The following RBM44 variants were observed in gnomAD, a reference collection of about 807,000 sequenced individuals.
RBM44 encodes the protein RNA binding motif protein 44, also known as RNA-binding protein 44.
RBM44 carries 66 observed loss-of-function variants against 105.1 expected under a neutral mutation model. The observed-to-expected ratio is 0.63, with a 90% CI of 0.52 to 0.77. The LOEUF is 0.77. Ranked by LOEUF, RBM44 falls within the 30% of genes least tolerant of loss-of-function variation. The pLI, the probability that RBM44 is intolerant of heterozygous loss-of-function variation, is 0.00. For synonymous variants in RBM44, 365 were observed against 417.6 expected, an observed-to-expected ratio of 0.87 and a Z score of 1.54; for missense variants, 1,122 against 1,207.8, an observed-to-expected ratio of 0.93 and a Z score of 1.05.
In RBM44 at chr2:237,834,022, T is replaced by C. The variant is rs752062477; in HGVS notation, c.2912T>C (p.Ile971Thr). 3 of 1,559,582 alleles carry C rather than the reference T, an allele frequency of 1.9e-6. No homozygotes were observed. The highest frequency in any genetic ancestry group is 1.3e-5 in the African/African-American group (1 of 74,190). Residue 971 changes from isoleucine (I) to threonine (T), a missense_variant, in exon 14 of 16, where the codon ATT becomes ACT. This residue lies in a region of RBM44 where 194 missense variants were observed against 225.5 expected (regional missense o/e 0.86). Coordinates refer to ENST00000316997, the MANE Select transcript of RBM44 (RefSeq NM_001080504.3). ...DQGVKKNCKQ[I>T]ESAKLLPDTP... ...GGTGTCAAGAAGAATTGTAAGCAGA[T>C]TGAATCTGCTAAATTATTACCTGAT...
chr2:237,816,029 T>C (rs2061711190), intron 2 of RBM44, among the ~76,000 whole-genome samples: 1 of 152,184 alleles, frequency 6.6e-6, no homozygotes, highest in African/African-American at 2.4e-5. Context: ...TGATAATTCC[T>C]GTCATACTCG....
intron 1 of RBM44, among the ~76,000 whole-genome samples, chr2:237,801,444 C>T (rs1405870681): frequency 3.3e-5 from 5 of 152,200 alleles, no homozygotes; most frequent in Non-Finnish European, 7.4e-5. Context: ...CCCACTTCAG[C>T]TTCCCAAGTA....
intron 10 of RBM44, among the ~76,000 whole-genome samples, chr2:237,826,575 C>T (rs1333073062): frequency 2.0e-5 from 3 of 152,020 alleles, no homozygotes; most frequent in African/African-American, 7.2e-5. Flanking sequence ...TCCCCAGCAA[C>T]GGAATGTGCA....
At chr2:237,836,251 G>A (rs898852985) in intron 15 of RBM44, among the ~76,000 whole-genome samples, 1 of 152,176 alleles carries the variant, frequency 6.6e-6, no homozygotes, top group Admixed American at 6.5e-5. Context: ...TCCACTCTGT[G>A]AATGGAACAA....
chr2:237,833,461 T>G (rs150040598), intron 13 of RBM44, among the ~76,000 whole-genome samples: 1,597 of 152,316 alleles, frequency 0.01, 26 homozygotes, highest in African/African-American at 0.036. Flanking sequence ...ACTATAGTTT[T>G]TCCCCCACAG....
rs2061859392 is a variant in RBM44, at chr2:237,827,439, T to A, written c.2536T>A (p.Leu846Ile). The A allele has an allele frequency of 2.6e-6, 4 of 1,527,658 alleles. No individual in the cohort carries two copies. The highest frequency in any genetic ancestry group is 3.6e-6 in the Non-Finnish European group (4 of 1,126,064). The allele number at this position is 1,527,658 out of a possible 1,614,324, so 94.6% of individuals were successfully genotyped here. A position where few individuals can be genotyped will look rare whatever the true frequency, so the allele number is the denominator to read the frequency against. ...TTTATTTCTCTTCTTTTAGGCCGATTTAAGGTCTCATTTCCAAAAATACCA... is the reference window on the plus strand; with the variant it reads ...TTTATTTCTCTTCTTTTAGGCCGATATAAGGTCTCATTTCCAAAAATACCA... ...GLCPSVSEAD[L>I]RSHFQKYQVS... is the part of the protein sequence containing the mutation. The change falls in exon 12 of 16, where the codon TTA becomes ATA. Residue 846 changes from leucine (L) to isoleucine (I), a missense_variant. Coordinates refer to ENST00000316997, the MANE Select transcript of RBM44 (RefSeq NM_001080504.3).
intron 10 of RBM44, 50 bp from the exon 11 acceptor site, chr2:237,827,200 C>A (rs766061801): frequency 4.9e-6 from 5 of 1,010,612 alleles, no homozygotes; most frequent in Non-Finnish European, 7.5e-6. Context: ...TTCTCTGAAA[C>A]ATATCAGTAC....
rs1265792588 is a variant in RBM44, at chr2:237,817,759, G to T, written c.840G>T (p.Lys280Asn). ...AATATCATGACCTAAAGCATGAAAA[G>T]TATAAGGAACAAGAGACTAATTCAA... ...LREYHDLKHE[K>N]YKEQETNSMY... Residue 280 changes from lysine to asparagine, a missense_variant, in exon 3 of 16, where the codon AAG (lysine) becomes AAT (asparagine). By Grantham distance (94) the Lys-to-Asn change is moderately conservative. Transcript: ENST00000316997. 3 of 1,611,908 alleles carry T rather than the reference G, an allele frequency of 1.9e-6. No individual in the cohort carries two copies.
chr2:237,821,337 T>C lies in RBM44; in HGVS notation c.2098-9T>C. The C allele has an allele frequency of 6.4e-7, 1 of 1,562,758 alleles. No homozygotes were observed. Among genetic ancestry groups the C allele is most frequent in the Non-Finnish European group, 8.7e-7 (1 of 1,152,950 alleles). ...AACAAAGATTTTTTTTCCTTTTCTCTCCTTCCAGCTAATGAAAAAAGAAAC... is the reference window on the plus strand; with the variant it reads ...AACAAAGATTTTTTTTCCTTTTCTCCCCTTCCAGCTAATGAAAAAAGAAAC... On this transcript the variant is annotated splice_polypyrimidine_tract_variant and intron_variant, in intron 6 of 15. Transcript: ENST00000316997.
chr2:237,801,877 A>G (rs2061549902), intron 1 of RBM44, among the ~76,000 whole-genome samples: 1 of 151,766 alleles, frequency 6.6e-6, no homozygotes, highest in African/African-American at 2.4e-5. Context: ...TTTAACCCCA[A>G]TTGTCTTATT....
chr2:237,820,964 T>C, intron 5 of RBM44, 107 bp from the exon 6 acceptor site: 6 of 743,042 alleles, frequency 8.1e-6, no homozygotes, highest in Non-Finnish European at 1.3e-5. Flanking sequence ...GACAGGAGGA[T>C]TGCTTGAGCC....
intron 13 of RBM44, among the ~76,000 whole-genome samples, chr2:237,833,153 A>G (rs899601159): frequency 2.0e-5 from 3 of 152,232 alleles, no homozygotes; most frequent in Non-Finnish European, 2.9e-5. Context: ...GCACTGGGAA[A>G]GCAACAATGA....
rs559766728 is a variant in RBM44, at chr2:237,835,575, T to C, written c.*22+1152T>C. ...AAGTGAAACAACCTTATTGCTGATATGGTGAAAATTTTAGTAGTCTGTGTA... is the reference window on the plus strand; with the variant it reads ...AAGTGAAACAACCTTATTGCTGATACGGTGAAAATTTTAGTAGTCTGTGTA... On this transcript the variant is annotated intron_variant, in intron 15 of 15. Coordinates refer to ENST00000316997, the MANE Select transcript of RBM44 (RefSeq NM_001080504.3). 1.7e-4 allele frequency among the ~76,000 whole-genome samples: 26 copies of C among 152,140 alleles called. No homozygotes were observed. In the South Asian group the frequency reaches 5.2e-3, roughly 30 times the overall value.
chr2:237,804,552 CA>C (rs2061579574), intron 1 of RBM44, among the ~76,000 whole-genome samples: 2 of 152,332 alleles, frequency 1.3e-5, no homozygotes, highest in South Asian at 2.1e-4. Context: ...TGATGCTGAA[CA>C]TTTTTTTATA....
chr2:237,808,022 A>C (rs1190414622), intron 1 of RBM44, among the ~76,000 whole-genome samples: 1 of 152,236 alleles, frequency 6.6e-6, no homozygotes, highest in South Asian at 2.1e-4. Context: ...AGAAAACAAT[A>C]ATAGACAATA....
chr2:237,823,991 G>A (rs1243492938), intron 9 of RBM44, among the ~76,000 whole-genome samples: 1 of 152,114 alleles, frequency 6.6e-6, no homozygotes, highest in African/African-American at 2.4e-5. Flanking sequence ...TTTCACTAAA[G>A]TACAGTTCAA....
chr2:237,841,702 C>T lies in RBM44; in HGVS notation c.*23-137C>T, dbSNP rs542438796. 86 of 152,298 alleles carry T rather than the reference C, an allele frequency of 5.6e-4. No homozygotes were observed. Among genetic ancestry groups the T allele is most frequent in the African/African-American group, 1.6e-3 (65 of 41,564 alleles). The allele number at this position is 152,298 out of a possible 1,614,324, so 9.4% of individuals were successfully genotyped here. A position where few individuals can be genotyped will look rare whatever the true frequency, so the allele number is the denominator to read the frequency against. Reference sequence around the variant, plus strand: ...AGACACAAAAATTAATTGCAATTCTCACTATCCATGATGTAAGAAAAATGA... The same window carrying T: ...AGACACAAAAATTAATTGCAATTCTTACTATCCATGATGTAAGAAAAATGA... On this transcript the variant is annotated intron_variant, in intron 15 of 15. Transcript: ENST00000316997. This position sits in a 1 kb window ranked among gnomAD's most constrained non-coding sequence, Gnocchi z 4.5.
intron 9 of RBM44, 77 bp from the exon 10 acceptor site, chr2:237,824,214 A>C: frequency 7.1e-7 from 1 of 1,414,460 alleles, no homozygotes; most frequent in African/African-American, 1.4e-5. Context: ...GTACTGATTC[A>C]TCCATGGTTT....
Position 237,821,210 on chromosome 2 carries a change from C to G in RBM44, c.2053C>G (p.Leu685Val), listed in dbSNP as rs369985228. 1.2e-6 allele frequency: 2 copies of G among 1,608,874 alleles called. No homozygotes were observed. Among genetic ancestry groups the G allele is most frequent in the Non-Finnish European group, 8.5e-7 (1 of 1,177,540 alleles). ...IPLEELPPLSLESKLLSTFST... is the reference protein window; with the variant it reads ...IPLEELPPLSVESKLLSTFST... ...ACTGGAAGAGCTGCCCCCACTGTCA[C>G]TAGAATCAAAATTATTATCTACCTT... is the stretch of plus-strand genomic sequence containing the variant. The change falls in exon 6 of 16, where the codon CTA becomes GTA. Residue 685 changes from leucine (L) to valine (V), a missense_variant. Physicochemically the swap from Leu to Val is conservative, Grantham distance 32. Transcript: ENST00000316997.
Sources: allele counts gnomAD v4.1 joint callset (sites outside exome capture counted in the v4.1 genomes callset), GRCh38; gene constraint gnomAD v4.1.1; regional missense constraint gnomAD v4.1.1; non-coding constraint Gnocchi (gnomAD v3.1); transcripts MANE v1.5; gene names NCBI Gene and HGNC (gene_info 2026-07-23, HGNC 2026-07-21).